Variants in WDR72 observed in about 807,000 individuals in gnomAD.
WDR72 encodes WD repeat domain 72, also known as WD repeat-containing protein 72.
WDR72 carries 120 observed loss-of-function variants against 124.2 expected under a neutral mutation model. The ratio of observed to expected loss-of-function variants is 0.97; its 90% confidence interval spans 0.83 to 1.12. The LOEUF is 1.12. Among genes scored for constraint, WDR72 ranks in the 50% most tolerant of loss-of-function variants. WDR72 has a pLI of 0.00. For synonymous variants in WDR72, 452 were observed against 441.7 expected (o/e 1.02, Z -0.29); for missense variants, 1,387 against 1,278.8 (o/e 1.08, Z -1.29).
At chr15:53,600,915 G>T (rs2013016229) in intron 17 of WDR72, among the ~76,000 whole-genome samples, 1 of 152,142 alleles carries the variant, frequency 6.6e-6, no homozygotes, top group Non-Finnish European at 1.5e-5. Context: ...TTATTTTTAT[G>T]TTGAGTGTTT....
At chr15:53,521,632 T>C (rs1891803498) in intron 19 of WDR72, among the ~76,000 whole-genome samples, 2 of 152,068 alleles carry the variant, frequency 1.3e-5, no homozygotes, top group African/African-American at 4.8e-5. Context: ...AATGTTATAT[T>C]TGAATCTCGC....
chr15:53,518,777 A>C (rs1287483457), intron 19 of WDR72, among the ~76,000 whole-genome samples: 1 of 151,616 alleles, frequency 6.6e-6, no homozygotes, highest in Admixed American at 6.6e-5. Flanking sequence ...AAAAAAAAAA[A>C]CTCCACCTTG....
chr15:53,558,688 G>A (rs1000034246), intron 18 of WDR72, among the ~76,000 whole-genome samples: 3 of 151,978 alleles, frequency 2.0e-5, no homozygotes, highest in Non-Finnish European at 4.4e-5. Flanking sequence ...TGCTGTGTAA[G>A]AAAGAACCCT....
chr15:53,724,027 G>C (rs912807061), intron 2 of WDR72, among the ~76,000 whole-genome samples: 1 of 152,150 alleles, frequency 6.6e-6, no homozygotes, highest in South Asian at 2.1e-4. Flanking sequence ...GATGGACATA[G>C]AGGATATTAC....
intron 1 of WDR72, among the ~76,000 whole-genome samples, chr15:53,748,204 A>G (rs1282322169): frequency 6.6e-6 from 1 of 152,162 alleles, no homozygotes; most frequent in Non-Finnish European, 1.5e-5. Context: ...TCATGCTACT[A>G]GACAAAACAA....
At chr15:53,614,865 T>C (rs2013690520) in intron 15 of WDR72, among the ~76,000 whole-genome samples, 1 of 152,050 alleles carries the variant, frequency 6.6e-6, no homozygotes, top group East Asian at 1.9e-4. Flanking sequence ...AAGCAACAGT[T>C]ATTACTAAAC....
intron 13 of WDR72, among the ~76,000 whole-genome samples, chr15:53,697,449 T>C (rs1018158738): frequency 2.0e-5 from 3 of 152,206 alleles, no homozygotes; most frequent in Non-Finnish European, 4.4e-5. Context: ...GCTGCTTCTT[T>C]TCTATGACTT....
At chr15:53,626,949 T>C (rs935483863) in intron 14 of WDR72, among the ~76,000 whole-genome samples, 1 of 152,222 alleles carries the variant, frequency 6.6e-6, no homozygotes, top group African/African-American at 2.4e-5. Context: ...TAACACTTAA[T>C]ATAAATATTT....
intron 5 of WDR72, 121 bp from the exon 6 acceptor site, chr15:53,714,631 G>C: frequency 1.3e-6 from 1 of 749,126 alleles, no homozygotes; most frequent in African/African-American, 1.8e-5. Flanking sequence ...TTCAGCTTTG[G>C]AGTTACTTTT....
chr15:53,618,787 T>C (rs1383675927), intron 14 of WDR72, among the ~76,000 whole-genome samples: 1 of 152,022 alleles, frequency 6.6e-6, no homozygotes, highest in African/African-American at 2.4e-5. Flanking sequence ...AGCCTCCCCA[T>C]CTTTCATTAA....
chr15:53,722,455 T>C (rs1392360205), intron 3 of WDR72, among the ~76,000 whole-genome samples: 1 of 152,210 alleles, frequency 6.6e-6, no homozygotes, highest in Non-Finnish European at 1.5e-5. Context: ...TGTTACTACA[T>C]GAGAAAAGAC....
At chr15:53,680,093 G>A (rs980679503) in intron 13 of WDR72, among the ~76,000 whole-genome samples, 2 of 152,118 alleles carry the variant, frequency 1.3e-5, no homozygotes, top group African/African-American at 4.8e-5. Context: ...CTAAGAGAAT[G>A]TAGGCCTATA....
intron 1 of WDR72, among the ~76,000 whole-genome samples, chr15:53,756,204 T>G (rs1595891689): frequency 6.6e-6 from 1 of 152,150 alleles, no homozygotes; most frequent in Non-Finnish European, 1.5e-5. Context: ...CCCCATGCTG[T>G]TCTCGTGATA....
intron 13 of WDR72, among the ~76,000 whole-genome samples, chr15:53,695,084 G>C (rs932521713): frequency 3.9e-5 from 6 of 152,164 alleles, no homozygotes; most frequent in Non-Finnish European, 8.8e-5. Flanking sequence ...ACAGAAAAAA[G>C]TGTTTCTGAT....
At chr15:53,702,506 T>C (rs1014430793) in intron 11 of WDR72, 152 bp from the exon 12 acceptor site, 15 of 661,670 alleles carry the variant, frequency 2.3e-5, no homozygotes, top group African/African-American at 3.6e-5. Flanking sequence ...CCTTAGATCA[T>C]CTTGAAAAAC....
intron 1 of WDR72, among the ~76,000 whole-genome samples, chr15:53,754,827 T>C (rs2018859647): frequency 6.6e-6 from 1 of 152,186 alleles, no homozygotes; most frequent in Non-Finnish European, 1.5e-5. Context: ...AATTTTATGA[T>C]GTTAATCTCA....
intron 17 of WDR72, among the ~76,000 whole-genome samples, chr15:53,598,803 T>C (rs1295699554): frequency 6.6e-6 from 1 of 152,192 alleles, no homozygotes; most frequent in East Asian, 1.9e-4. Context: ...TGGTGCTTAC[T>C]CATGAATATC....
At chr15:53,736,334 G>A (rs1177301746) in intron 1 of WDR72, among the ~76,000 whole-genome samples, 1 of 152,166 alleles carries the variant, frequency 6.6e-6, no homozygotes, top group African/African-American at 2.4e-5. Flanking sequence ...GTGTCCAAAT[G>A]TGGGGGCAGC....
At position 53,554,499 on chromosome 15, in the gene WDR72, T is replaced by C. The variant is rs147792694; in HGVS notation, c.3149-31177A>G. On this transcript the variant is annotated intron_variant, in intron 18 of 19. Transcript: ENST00000360509. ...CTGAATAAATGCATATAGAAGACTT[T>C]TGGTGTGCAGAGCCCTAGTAAGCAT... is the stretch of plus-strand genomic sequence containing the variant. Among the ~76,000 whole-genome samples, 28 of 152,298 alleles carry C rather than the reference T, an allele frequency of 1.8e-4. No homozygotes were observed. The East Asian group carries it at 5.2e-3, about 28-fold the overall frequency.
Sources: allele counts gnomAD v4.1 joint callset (sites outside exome capture counted in the v4.1 genomes callset), GRCh38; gene constraint gnomAD v4.1.1; transcripts MANE v1.5; gene names NCBI Gene and HGNC (gene_info 2026-07-23, HGNC 2026-07-21).